Variants in SLC6A4 observed in about 807,000 individuals in gnomAD.
SLC6A4 encodes the protein solute carrier family 6 member 4, also known as sodium-dependent serotonin transporter.
A neutral mutation model predicts 73.4 loss-of-function variants in SLC6A4; 22 were observed. The observed-to-expected ratio is 0.30, with a 90% CI of 0.21 to 0.43. The LOEUF (loss-of-function observed/expected upper bound fraction) is 0.43, where lower values mean the gene tolerates loss of function less well. Ranked by LOEUF, SLC6A4 falls within the 20% of genes least tolerant of loss-of-function variation. The probability of loss-of-function intolerance (pLI) is 1.00; values close to 1 mark genes in which losing one functional copy is unlikely to be tolerated. For missense variants in SLC6A4, 593 were observed against 808.5 expected, an observed-to-expected ratio of 0.73 and a Z score of 3.23; for synonymous variants, 270 against 315.5, an observed-to-expected ratio of 0.86 and a Z score of 1.53.
intron 1 of SLC6A4, among the ~76,000 whole-genome samples, chr17:30,229,880 C>T (rs1907032670): frequency 6.6e-6 from 1 of 151,928 alleles, no homozygotes; most frequent in Non-Finnish European, 1.5e-5. Flanking sequence ...ATTAGCCAGG[C>T]ATGGTGGCGC....
At chr17:30,227,268 G>A (rs998452046) in intron 1 of SLC6A4, among the ~76,000 whole-genome samples, 4 of 152,240 alleles carry the variant, frequency 2.6e-5, no homozygotes, top group Admixed American at 6.5e-5. Context: ...GGCACAGGTC[G>A]GAAGCCATAG....
At chr17:30,231,570 C>CAT (rs895938132) in intron 1 of SLC6A4, among the ~76,000 whole-genome samples, 58 of 151,780 alleles carry the variant, frequency 3.8e-4, no homozygotes, top group African/African-American at 1.4e-3. Flanking sequence ...TATATCAAAT[C>CAT]ATATATATAC....
chr17:30,204,596 T>C (rs746865831), intron 13 of SLC6A4: 4 of 152,206 alleles, frequency 2.6e-5, no homozygotes, highest in Non-Finnish European at 5.9e-5. Flanking sequence ...CAAGTGCTAC[T>C]TCAGAAACCC....
At chr17:30,214,532 T>C (rs35600349) in intron 8 of SLC6A4, among the ~76,000 whole-genome samples, 106,847 of 151,546 alleles carry the variant, frequency 0.71, 40,324 homozygotes, top group East Asian at 0.9. Flanking sequence ...ATAATCACAT[T>C]ACAATTTTTA....
Position 30,198,465 on chromosome 17 carries a change from A to G in SLC6A4, c.1884T>C (p.Asn628=). The change falls in exon 15 of 15, where the codon AAT becomes AAC. Residue 628 remains asparagine, a synonymous_variant. Coordinates refer to ENST00000650711, the MANE Select transcript of SLC6A4 (RefSeq NM_001045.6). The stretch of plus-strand genomic sequence containing the variant: ...CCTCTCGGTGAGTGTGTTACACAGC[A>G]TTCAAGCGGATGTCCCCACAAGGAA... ...TEIPCGDIRL[N]AV is the part of the protein sequence containing the mutation. The G allele has an allele frequency of 6.2e-7, 1 of 1,600,990 alleles. No individual in the cohort carries two copies. Among genetic ancestry groups the G allele is most frequent in the Non-Finnish European group, 8.6e-7 (1 of 1,168,440 alleles).
At chr17:30,210,379 T>A in intron 11 of SLC6A4, 136 bp downstream of exon 11, 1 of 869,736 alleles carries the variant, frequency 1.1e-6, no homozygotes, top group East Asian at 2.9e-5. Flanking sequence ...ACAAACCTTT[T>A]AATGGGAGTA....
intron 1 of SLC6A4, among the ~76,000 whole-genome samples, chr17:30,231,359 GATAC>G (rs1455799638): frequency 6.6e-6 from 1 of 150,758 alleles, no homozygotes; most frequent in East Asian, 1.9e-4. Context: ...TATACATACA[GATAC>G]ATATAGTTTA....
At chr17:30,213,656 T>A (rs1715036346) in intron 8 of SLC6A4, among the ~76,000 whole-genome samples, 1 of 152,206 alleles carries the variant, frequency 6.6e-6, no homozygotes, top group Admixed American at 6.5e-5. Context: ...TTTACAATTA[T>A]CTTATGCATA....
intron 11 of SLC6A4, among the ~76,000 whole-genome samples, chr17:30,210,241 A>T (rs1906341636): frequency 6.6e-6 from 1 of 152,154 alleles, no homozygotes; most frequent in Non-Finnish European, 1.5e-5. Flanking sequence ...GCAAATCCTA[A>T]TTTTCTCCAG....
At chr17:30,210,248 C>T (rs1415776244) in intron 11 of SLC6A4, among the ~76,000 whole-genome samples, 1 of 152,180 alleles carries the variant, frequency 6.6e-6, no homozygotes, top group African/African-American at 2.4e-5. Flanking sequence ...CTAATTTTCT[C>T]CAGATAGTTT....
At chr17:30,203,033 A>G in intron 14 of SLC6A4, 139 bp downstream of exon 14, 1 of 646,320 alleles carries the variant, frequency 1.5e-6, no homozygotes, top group South Asian at 2.6e-5. Flanking sequence ...GGTCTTCGCC[A>G]TGGCACAGGT....
chr17:30,210,506 G>A lies in SLC6A4; in HGVS notation c.1449+9C>T. On this transcript the variant is annotated intron_variant, in intron 11 of 14. Coordinates refer to ENST00000650711, the MANE Select transcript of SLC6A4 (RefSeq NM_001045.6). ...AGGCCAACTCAAAGCTGAGGGGCAT[G>A]ATACTCACAAAAGTCAGGGTGACCA... is the stretch of plus-strand genomic sequence containing the variant. 1 of 1,611,546 alleles carries A rather than the reference G, an allele frequency of 6.2e-7. No individual in the cohort carries two copies. Among genetic ancestry groups the A allele is most frequent in the Non-Finnish European group, 8.5e-7 (1 of 1,178,818 alleles).
intron 1 of SLC6A4, among the ~76,000 whole-genome samples, chr17:30,223,380 G>A (rs775544737): frequency 6.6e-6 from 1 of 152,208 alleles, no homozygotes; most frequent in African/African-American, 2.4e-5. Context: ...ATGGCGCATG[G>A]ATGTCTCCTA....
intron 1 of SLC6A4, among the ~76,000 whole-genome samples, chr17:30,228,435 GA>G (rs1479919688): frequency 6.6e-6 from 1 of 152,154 alleles, no homozygotes; most frequent in Non-Finnish European, 1.5e-5. Flanking sequence ...CCCTAGCAGG[GA>G]AACTGAGGCC....
chr17:30,222,678 C>T, intron 2 of SLC6A4, 141 bp downstream of exon 2: 1 of 643,414 alleles, frequency 1.6e-6, no homozygotes, highest in Non-Finnish European at 2.6e-6. Context: ...CAGATTCTGT[C>T]ACTCGTCTTT....
chr17:30,218,382 TG>T, intron 4 of SLC6A4, 45 bp from the exon 5 acceptor site: 1 of 1,504,928 alleles, frequency 6.6e-7, no homozygotes, highest in Non-Finnish European at 9.2e-7. Flanking sequence ...AGTTTAAGGG[TG>T]GCCCAACGGC....
rs1398103599 is a variant in SLC6A4 at position 30,198,212 on chromosome 17, C to T, written c.*244G>A. 7.4e-6 allele frequency: 3 copies of T among 405,132 alleles called. No homozygotes were observed. The East Asian group carries it at 1.1e-4, about 15-fold the overall frequency. The allele number at this position is 405,132 out of a possible 1,614,324, so 25.1% of individuals were successfully genotyped here. On this transcript the variant is annotated 3_prime_UTR_variant, in exon 15 of 15. Coordinates refer to ENST00000650711, the MANE Select transcript of SLC6A4 (RefSeq NM_001045.6). ...TTCATCACCTCCATCCACATCCTCACACGTCCAAAATAGGCCAGCTCAGCT... is the reference window on the plus strand; with the variant it reads ...TTCATCACCTCCATCCACATCCTCATACGTCCAAAATAGGCCAGCTCAGCT...
In SLC6A4 at chr17:30,210,500, G is replaced by A; in HGVS notation, c.1449+15C>T. On this transcript the variant is annotated intron_variant, in intron 11 of 14. Coordinates refer to ENST00000650711, the MANE Select transcript of SLC6A4 (RefSeq NM_001045.6). ...TAGGGGAGGCCAACTCAAAGCTGAG[G>A]GGCATGATACTCACAAAAGTCAGGG... The A allele has an allele frequency of 3.1e-6, 5 of 1,610,350 alleles. No individual in the cohort carries two copies. Among genetic ancestry groups the A allele is most frequent in the Non-Finnish European group, 4.2e-6 (5 of 1,178,246 alleles).
intron 13 of SLC6A4, 41 bp from the exon 14 acceptor site, chr17:30,203,380 T>A (rs147631918): frequency 1.9e-6 from 3 of 1,545,326 alleles, no homozygotes; most frequent in Non-Finnish European, 2.7e-6. Context: ...ACCTTAACAA[T>A]ATCCACTCAG....
Sources: allele counts gnomAD v4.1 joint callset (sites outside exome capture counted in the v4.1 genomes callset), GRCh38; gene constraint gnomAD v4.1.1; transcripts MANE v1.5; gene names NCBI Gene and HGNC (gene_info 2026-07-23, HGNC 2026-07-21).